SEPTIN8: variants seen among roughly 807,000 people sequenced by gnomAD.
SEPTIN8 encodes the protein septin-8.
In SEPTIN8, 22 loss-of-function variants were observed where a neutral mutation model predicts 53.1. The observed-to-expected ratio is 0.41, with a 90% CI of 0.30 to 0.59. The LOEUF is 0.59. Ranked by LOEUF, SEPTIN8 falls within the 20% of genes least tolerant of loss-of-function variation. The pLI is 0.24. For synonymous variants in SEPTIN8, 228 were observed against 248.4 expected, an observed-to-expected ratio of 0.92 and a Z score of 0.77; for missense variants, 536 against 638.7, an observed-to-expected ratio of 0.84 and a Z score of 1.73.
chr5:132,762,657 A>C lies in SEPTIN8; in HGVS notation c.535-12T>G, dbSNP rs914860183. 11 of 1,613,908 alleles carry C rather than the reference A, an allele frequency of 6.8e-6. No homozygotes were observed. The highest frequency in any genetic ancestry group is 4.0e-5 in the African/African-American group (3 of 74,898). Reference sequence around the variant, plus strand: ...GGAATAATGTTCACCTGCCAGGATCAGGGGAGGGGACAGCAGGCTGGTTGG... The same window carrying C: ...GGAATAATGTTCACCTGCCAGGATCCGGGGAGGGGACAGCAGGCTGGTTGG... On this transcript the variant is annotated splice_polypyrimidine_tract_variant and intron_variant, in intron 4 of 9. Transcript: ENST00000378719.
chr5:132,768,226 C>T (rs1385022270), intron 1 of SEPTIN8, among the ~76,000 whole-genome samples: 2 of 152,100 alleles, frequency 1.3e-5, no homozygotes, highest in African/African-American at 2.4e-5. Flanking sequence ...ACCCAGGCTA[C>T]ACTCTGTTAT....
rs191697395 is a variant in SEPTIN8, at chr5:132,769,405, T to C, written c.31-3876A>G. Among the ~76,000 whole-genome samples, 510 of 152,240 alleles carry C rather than the reference T, an allele frequency of 3.3e-3. 4 individuals carry two copies. The highest frequency in any genetic ancestry group is 0.011 in the African/African-American group (447 of 41,534). On this transcript the variant is annotated intron_variant, in intron 1 of 9. Coordinates refer to ENST00000378719, the MANE Select transcript of SEPTIN8 (RefSeq NM_001098811.2). Reference sequence around the variant, plus strand: ...TGCCAGGAACTGAGATGGCTGCCAGTGAAAAGATGAGGACATCAGATCCTT... The same window carrying C: ...TGCCAGGAACTGAGATGGCTGCCAGCGAAAAGATGAGGACATCAGATCCTT...
At chr5:132,777,253 C>G, upstream of SEPTIN8, 1 of 1,134,792 alleles carries the variant, frequency 8.8e-7, no homozygotes, top group Non-Finnish European at 1.1e-6. This position sits in a 1 kb window ranked among gnomAD's most constrained non-coding sequence, Gnocchi z 4.1. Flanking sequence ...TCCAATATGG[C>G]CACTTCCTGG....
chr5:132,777,041 A>C lies in SEPTIN8; in HGVS notation c.30+67T>G. ...GACAGCCCGCTTCGCGCCCCCCGCC[A>C]GCTGCAGGGCGGCCCCTCCTGCGCC... On this transcript the variant is annotated intron_variant, in intron 1 of 9. Transcript: ENST00000378719. This position sits in a 1 kb window ranked among gnomAD's most constrained non-coding sequence, Gnocchi z 4.1. The C allele has an allele frequency of 9.9e-7, 1 of 1,007,198 alleles. No individual in the cohort carries two copies. The highest frequency in any genetic ancestry group is 1.2e-6 in the Non-Finnish European group (1 of 808,760). 62.4% of individuals were successfully genotyped at this position (1,007,198 alleles called of 1,614,324 possible).
intron 1 of SEPTIN8, among the ~76,000 whole-genome samples, chr5:132,770,109 G>GTGTA (rs1554115618): frequency 1.2e-5 from 1 of 80,766 alleles, no homozygotes; most frequent in South Asian, 3.0e-4. Flanking sequence ...ATGTATATAT[G>GTGTA]TATATATATA....
chr5:132,773,607 G>T lies in SEPTIN8; in HGVS notation c.30+3501C>A, dbSNP rs1459118279. 1.3e-5 allele frequency among the ~76,000 whole-genome samples: 2 copies of T among 152,148 alleles called. No homozygotes were observed. The highest frequency in any genetic ancestry group is 4.8e-5 in the African/African-American group (2 of 41,432). ...ATCCTCACCCAACCTTGGGCTGTTG[G>T]CATCAACAAGATAATGCGCTCAAAG... On this transcript the variant is annotated intron_variant, in intron 1 of 9. Transcript: ENST00000378719. The surrounding 1 kb of genome is among the most constrained non-coding windows in gnomAD (Gnocchi z 4.2).
intron 9 of SEPTIN8, chr5:132,758,867 T>C: frequency 6.4e-7 from 1 of 1,572,090 alleles, no homozygotes; most frequent in South Asian, 1.1e-5. Context: ...AACAGACACA[T>C]TAAAAGATAT....
At chr5:132,775,054 G>A (rs1467219049) in intron 1 of SEPTIN8, among the ~76,000 whole-genome samples, 1 of 152,192 alleles carries the variant, frequency 6.6e-6, no homozygotes, top group East Asian at 1.9e-4. Context: ...GGGTGTGGAA[G>A]GTGTCCATCC....
At position 132,777,095 on chromosome 5, in the gene SEPTIN8, G is replaced by A. The variant is rs1757878271; in HGVS notation, c.30+13C>T. 6.0e-6 allele frequency: 7 copies of A among 1,165,108 alleles called. No homozygotes were observed. The highest frequency in any genetic ancestry group is 1.6e-5 in the African/African-American group (1 of 61,674). The allele number at this position is 1,165,108 out of a possible 1,614,324, so 72.2% of individuals were successfully genotyped here. On this transcript the variant is annotated intron_variant, in intron 1 of 9. Coordinates refer to ENST00000378719, the MANE Select transcript of SEPTIN8 (RefSeq NM_001098811.2). This position sits in a 1 kb window ranked among gnomAD's most constrained non-coding sequence, Gnocchi z 4.1. The stretch of plus-strand genomic sequence containing the variant: ...CGCCTCCCGCGCGCGCCGTGGCCCA[G>A]CGGGGCCCTCACCGAGAAGCGCTCC...
chr5:132,758,167 C>T, intron 9 of SEPTIN8: 1 of 1,056,470 alleles, frequency 9.5e-7, no homozygotes, highest in Non-Finnish European at 1.1e-6. Flanking sequence ...GTTTATTACC[C>T]ACCTCTCCCT....
In SEPTIN8 at chr5:132,754,475, G is replaced by A. The variant is rs1383182615; in HGVS notation, c.1287-2294C>T. On this transcript the variant is annotated intron_variant, in intron 9 of 9. Coordinates refer to ENST00000378719, the MANE Select transcript of SEPTIN8 (RefSeq NM_001098811.2). ...AAGACATCTGCTGCTTAACCAGGTG[G>A]CTATGGATGTGAGCTGGATTCTGAG... is the stretch of plus-strand genomic sequence containing the variant. 4 of 717,470 alleles carry A rather than the reference G, an allele frequency of 5.6e-6. No homozygotes were observed. The Admixed American group carries it at 6.0e-5, about 11-fold the overall frequency. 44.4% of individuals were successfully genotyped at this position (717,470 alleles called of 1,614,324 possible). A position where few individuals can be genotyped will look rare whatever the true frequency, so the allele number is the denominator to read the frequency against.
chr5:132,779,298 G>A (rs542829934), upstream of SEPTIN8, among the ~76,000 whole-genome samples: 8 of 152,264 alleles, frequency 5.3e-5, no homozygotes, highest in South Asian at 1.7e-3. Flanking sequence ...TGAGTGTTTC[G>A]TATACACCTA....
chr5:132,764,124 T>G, intron 3 of SEPTIN8, 100 bp downstream of exon 3: 1 of 1,297,884 alleles, frequency 7.7e-7, no homozygotes. Context: ...CAAGAGGCCC[T>G]CCCTGGCCCC....
At chr5:132,758,617 A>G in intron 9 of SEPTIN8, 4 of 1,599,506 alleles carry the variant, frequency 2.5e-6, no homozygotes, top group African/African-American at 1.3e-5. Flanking sequence ...ACGTGTTTGC[A>G]TAGAGAGGGG....
chr5:132,757,658 T>C, intron 9 of SEPTIN8: 1 of 985,424 alleles, frequency 1.0e-6, no homozygotes, highest in Non-Finnish European at 1.2e-6. Context: ...CTTCCTTTCA[T>C]TTAGTCATTT....
chr5:132,761,577 G>C lies in SEPTIN8; in HGVS notation c.843C>G (p.Ile281Met). 1 of 1,614,016 alleles carries C rather than the reference G, an allele frequency of 6.2e-7. No individual in the cohort carries two copies. The highest frequency in any genetic ancestry group is 1.3e-5 in the African/African-American group (1 of 75,002). Reference protein sequence around the residue: ...CDFVKLREMLIRVNMEDLREQ... With the variant: ...CDFVKLREMLMRVNMEDLREQ... ...CGCGGAGGTCTTCCATGTTCACCCG[G>C]ATCAACATCTCCCGCAGCTTCACGA... Residue 281 changes from isoleucine (I) to methionine (M), a missense_variant, in exon 7 of 10, where the codon ATC becomes ATG. Coordinates refer to ENST00000378719, the MANE Select transcript of SEPTIN8 (RefSeq NM_001098811.2). The surrounding 1 kb of genome is among the most constrained non-coding windows in gnomAD (Gnocchi z 5.8).
At chr5:132,778,240 C>A (rs897888769), upstream of SEPTIN8, 2 of 294,140 alleles carry the variant, frequency 6.8e-6, no homozygotes, top group Non-Finnish European at 1.0e-5. Flanking sequence ...CCCTACCCCC[C>A]ACTGGCCTCA....
chr5:132,762,733 C>T (rs1756119852), intron 4 of SEPTIN8, 88 bp from the exon 5 acceptor site: 1 of 1,413,352 alleles, frequency 7.1e-7, no homozygotes. Flanking sequence ...GATAGACATG[C>T]CCAGGCCATA....
At chr5:132,768,218 C>T (rs1305436119) in intron 1 of SEPTIN8, among the ~76,000 whole-genome samples, 1 of 152,002 alleles carries the variant, frequency 6.6e-6, no homozygotes, top group Non-Finnish European at 1.5e-5. Flanking sequence ...AAGTTGTTAC[C>T]CAGGCTACAC....
Sources: allele counts gnomAD v4.1 joint callset (sites outside exome capture counted in the v4.1 genomes callset), GRCh38; gene constraint gnomAD v4.1.1; non-coding constraint Gnocchi (gnomAD v3.1); transcripts MANE v1.5; gene names NCBI Gene and HGNC (gene_info 2026-07-23, HGNC 2026-07-21).